Variants in KCNQ5 observed in about 807,000 individuals in gnomAD.
KCNQ5 encodes potassium voltage-gated channel subfamily Q member 5.
Under a neutral mutation model 98.2 loss-of-function variants are expected in KCNQ5, and 30 were observed. The ratio of observed to expected loss-of-function variants is 0.31; its 90% CI spans 0.23 to 0.41. KCNQ5 has a LOEUF of 0.41. KCNQ5 is among the 10% of genes least tolerant of loss of function. The probability of loss-of-function intolerance (pLI) is 1.00; values close to 1 mark genes in which losing one functional copy is unlikely to be tolerated. For missense variants in KCNQ5, 835 were observed against 1,182.5 expected, an observed-to-expected ratio of 0.71 and a Z score of 4.31; for synonymous variants, 458 against 449.4, an observed-to-expected ratio of 1.02 and a Z score of -0.24.
chr6:73,009,491 G>A (rs915954647), intron 2 of KCNQ5, among the ~76,000 whole-genome samples: 3 of 151,656 alleles, frequency 2.0e-5, no homozygotes, highest in Admixed American at 2.0e-4. Context: ...AGCTAAAAAA[G>A]AATACAGTAG....
At chr6:72,893,493 T>G (rs1779136405) in intron 1 of KCNQ5, among the ~76,000 whole-genome samples, 1 of 152,142 alleles carries the variant, frequency 6.6e-6, no homozygotes, top group South Asian at 2.1e-4. Context: ...GACACACATC[T>G]TCCCCAGCCT....
chr6:73,084,811 T>C (rs779189708), intron 5 of KCNQ5, among the ~76,000 whole-genome samples: 2 of 152,190 alleles, frequency 1.3e-5, no homozygotes, highest in Non-Finnish European at 2.9e-5. Context: ...TCTCCGACCC[T>C]GAACCTAAAT....
intron 1 of KCNQ5, among the ~76,000 whole-genome samples, chr6:72,670,248 A>G (rs1230171906): frequency 6.6e-6 from 1 of 152,112 alleles, no homozygotes; most frequent in Non-Finnish European, 1.5e-5. Flanking sequence ...TTTTGCTAAC[A>G]TTCAGTTTAT....
In KCNQ5 at chr6:73,074,322, T is replaced by G. The variant is rs76186836; in HGVS notation, c.617-3000T>G. Among the ~76,000 whole-genome samples, 1,312 of 152,292 alleles carry G rather than the reference T, an allele frequency of 8.6e-3. 20 individuals are homozygous for G. The highest frequency in any genetic ancestry group is 0.03 in the African/African-American group (1,258 of 41,562). ...GTACTGACAGCAAAATTCCAGTGGA[T>G]GACTGTAACCCAACCAGAAACATTT... On this transcript the variant is annotated intron_variant, in intron 3 of 13. Coordinates refer to ENST00000370398, the MANE Select transcript of KCNQ5 (RefSeq NM_019842.4).
chr6:72,850,062 A>C (rs1777184247), intron 1 of KCNQ5, among the ~76,000 whole-genome samples: 1 of 152,176 alleles, frequency 6.6e-6, no homozygotes, highest in South Asian at 2.1e-4. Flanking sequence ...TAGTCAATTT[A>C]TGAATTTTTA....
intron 10 of KCNQ5, chr6:73,158,254 A>ATTTTT (rs796118861): frequency 3.0e-4 from 7 of 23,412 alleles, no homozygotes; most frequent in African/African-American, 4.2e-4. Flanking sequence ...ATTTTGGAAG[A>ATTTTT]TTTTTTTTTT....
At chr6:72,766,966 T>C (rs955395235) in intron 1 of KCNQ5, among the ~76,000 whole-genome samples, 2 of 151,686 alleles carry the variant, frequency 1.3e-5, no homozygotes, top group African/African-American at 4.8e-5. Context: ...TGAAGGTAGG[T>C]AGAAAAGAGG....
chr6:72,846,669 G>T (rs887246779), intron 1 of KCNQ5, among the ~76,000 whole-genome samples: 4 of 152,008 alleles, frequency 2.6e-5, no homozygotes, highest in Admixed American at 2.0e-4. Context: ...ACAGAGCAAG[G>T]CTCTTTCTAA....
At chr6:72,954,293 G>GT (rs1348605069) in intron 1 of KCNQ5, among the ~76,000 whole-genome samples, 5 of 152,250 alleles carry the variant, frequency 3.3e-5, no homozygotes, top group African/African-American at 1.2e-4. Context: ...AGAGGAAAGT[G>GT]TAAGTGCTGT....
Position 72,791,118 on chromosome 6 carries a change from C to G in KCNQ5, c.398+168531C>G. Among the ~76,000 whole-genome samples the G allele has an allele frequency of 4.6e-5, 7 of 152,228 alleles. 1 individual carries two copies. In the South Asian group the frequency reaches 1.5e-3, roughly 32 times the overall value. ...AATGGCTTCTTCCGTAGAGAAGCTG[C>G]GAGGCCTCTCGGGAGAAGCAGCATT... is the stretch of plus-strand genomic sequence containing the variant. On this transcript the variant is annotated intron_variant, in intron 1 of 13. Transcript: ENST00000370398.
intron 1 of KCNQ5, among the ~76,000 whole-genome samples, chr6:72,941,352 CCTT>C (rs200642395): frequency 0.018 from 775 of 43,688 alleles, 9 homozygotes; most frequent in African/African-American, 0.026. Context: ...TTTCTTCCTT[CCTT>C]CTTTTCTTCC....
intron 1 of KCNQ5, among the ~76,000 whole-genome samples, chr6:72,636,916 C>T (rs1404646918): frequency 6.6e-6 from 1 of 152,178 alleles, no homozygotes; most frequent in Non-Finnish European, 1.5e-5. Context: ...TCCAGGATCA[C>T]CATGTACAGA....
chr6:72,806,826 C>A (rs1011382210), intron 1 of KCNQ5: 8 of 448,800 alleles, frequency 1.8e-5, no homozygotes, highest in Non-Finnish European at 3.6e-5. Flanking sequence ...GCTCATTAAG[C>A]CTTCCTTTCA....
At chr6:73,020,594 C>T (rs1770557948) in intron 2 of KCNQ5, among the ~76,000 whole-genome samples, 1 of 152,134 alleles carries the variant, frequency 6.6e-6, no homozygotes, top group South Asian at 2.1e-4. Flanking sequence ...ACTTAACATT[C>T]AGCCCCTTTC....
At chr6:72,767,293 G>T (rs1455040592) in intron 1 of KCNQ5, among the ~76,000 whole-genome samples, 1 of 151,972 alleles carries the variant, frequency 6.6e-6, no homozygotes, top group Non-Finnish European at 1.5e-5. Context: ...ACATGAAAAA[G>T]AATGAAATTG....
intron 1 of KCNQ5, among the ~76,000 whole-genome samples, chr6:72,623,282 C>G (rs1456685562): frequency 6.6e-6 from 1 of 152,112 alleles, no homozygotes; most frequent in African/African-American, 2.4e-5. Flanking sequence ...AGCGGGGAAC[C>G]TGGGGCGCAG....
intron 1 of KCNQ5, among the ~76,000 whole-genome samples, chr6:72,704,976 A>G (rs891660411): frequency 6.6e-6 from 1 of 152,176 alleles, no homozygotes; most frequent in Non-Finnish European, 1.5e-5. Context: ...AATTATTTCT[A>G]ATATGATTCT....
chr6:73,174,167 A>T (rs1778123161), intron 11 of KCNQ5, among the ~76,000 whole-genome samples: 1 of 151,906 alleles, frequency 6.6e-6, no homozygotes, highest in African/African-American at 2.4e-5. Context: ...TCTAAGCACT[A>T]ATCTCTTCAT....
intron 3 of KCNQ5, among the ~76,000 whole-genome samples, chr6:73,047,272 A>G (rs559107999): frequency 1.3e-5 from 2 of 152,340 alleles, no homozygotes; most frequent in East Asian, 1.9e-4. Flanking sequence ...CCTTAATTAT[A>G]TCAACTAAAT....
Sources: allele counts gnomAD v4.1 joint callset (sites outside exome capture counted in the v4.1 genomes callset), GRCh38; gene constraint gnomAD v4.1.1; transcripts MANE v1.5; gene names NCBI Gene and HGNC (gene_info 2026-07-23, HGNC 2026-07-21).